Variants in LDLRAD2 observed in about 807,000 individuals in gnomAD.
LDLRAD2 encodes low-density lipoprotein receptor class A domain-containing protein 2.
Under a neutral mutation model 24.9 loss-of-function variants are expected in LDLRAD2, and 25 were observed. The ratio of observed to expected loss-of-function variants is 1.00; its 90% CI spans 0.73 to 1.40. The LOEUF (loss-of-function observed/expected upper bound fraction) is 1.40, where lower values mean the gene tolerates loss of function less well. Ranked by LOEUF, LDLRAD2 falls within the 40% of genes most tolerant of loss-of-function variation. The pLI is 0.00. For synonymous variants in LDLRAD2, 182 were observed against 166.7 expected (o/e 1.09, Z -0.71); for missense variants, 391 against 366.2 (o/e 1.07, Z -0.55).
Position 21,824,868 on chromosome 1 carries a change from C to T in LDLRAD2, c.*2653C>T, listed in dbSNP as rs2097965366. 1 of 1,212,496 alleles carries T rather than the reference C, an allele frequency of 8.2e-7. No individual in the cohort carries two copies. Among genetic ancestry groups the T allele is most frequent in the African/African-American group, 1.5e-5 (1 of 66,582 alleles). 75.1% of individuals were successfully genotyped at this position (1,212,496 alleles called of 1,614,324 possible). A position where few individuals can be genotyped will look rare whatever the true frequency, so the allele number is the denominator to read the frequency against. ...CCCCTGACCCCCACCTCCACGCCAA[C>T]ATGCAGGACTAGGGGGCTCCGAGCC... On this transcript the variant is annotated 3_prime_UTR_variant, in exon 5 of 5. Transcript: ENST00000344642. This position sits in a 1 kb window ranked among gnomAD's most constrained non-coding sequence, Gnocchi z 5.9.
chr1:21,820,017 T>C (rs2097948558), intron 3 of LDLRAD2, among the ~76,000 whole-genome samples: 2 of 152,212 alleles, frequency 1.3e-5, no homozygotes, highest in South Asian at 4.2e-4. Context: ...CTCACTATCT[T>C]GAGAACAGCA....
At position 21,817,605 on chromosome 1, in the gene LDLRAD2, C is replaced by T. The variant is rs543078884; in HGVS notation, c.643+1531C>T. The stretch of plus-strand genomic sequence containing the variant: ...CTTCCCACCTTGGCCTCCCAAAGTG[C>T]TGGGATTGCATGAACTTCATTTTTT... On this transcript the variant is annotated intron_variant, in intron 3 of 4. Coordinates refer to ENST00000344642, the MANE Select transcript of LDLRAD2 (RefSeq NM_001013693.3). Among the ~76,000 whole-genome samples the T allele has an allele frequency of 2.0e-5, 3 of 152,220 alleles. No homozygotes were observed. The South Asian group carries it at 6.2e-4, about 32-fold the overall frequency.
At chr1:21,822,155 T>G (rs1208646480) in intron 4 of LDLRAD2, 47 bp from the exon 5 acceptor site, 8 of 1,613,964 alleles carry the variant, frequency 5.0e-6, no homozygotes, top group Non-Finnish European at 6.8e-6. Flanking sequence ...CCAAGCCAGC[T>G]TGCTTCACCC....
At position 21,823,263 on chromosome 1, in the gene LDLRAD2, G is replaced by T; in HGVS notation, c.*1048G>T. ...TAATAATATTAATAATAATATACTC[G>T]ACATTGTCGGGCTGGGGCGTGGCCC... On this transcript the variant is annotated 3_prime_UTR_variant, in exon 5 of 5. Transcript: ENST00000344642. 2.2e-6 allele frequency: 3 copies of T among 1,388,930 alleles called. No individual in the cohort carries two copies. The highest frequency in any genetic ancestry group is 2.9e-6 in the Non-Finnish European group (3 of 1,048,502). The allele number at this position is 1,388,930 out of a possible 1,614,324, so 86.0% of individuals were successfully genotyped here.
intron 3 of LDLRAD2, among the ~76,000 whole-genome samples, chr1:21,817,198 T>C (rs2097944827): frequency 6.6e-6 from 1 of 152,198 alleles, no homozygotes; most frequent in Non-Finnish European, 1.5e-5. Context: ...TGCCATCACC[T>C]GGTCTGAGCC....
chr1:21,824,071 C>T lies in LDLRAD2; in HGVS notation c.*1856C>T. ...TGCCCATGGTAGGGGGCGTCCTGCC[C>T]CACTCCAGAACGCTGGGCCCCATCC... On this transcript the variant is annotated 3_prime_UTR_variant, in exon 5 of 5. Transcript: ENST00000344642. This position sits in a 1 kb window ranked among gnomAD's most constrained non-coding sequence, Gnocchi z 5.9. The T allele has an allele frequency of 6.6e-7, 1 of 1,522,850 alleles. No individual in the cohort carries two copies. Among genetic ancestry groups the T allele is most frequent in the Non-Finnish European group, 9.0e-7 (1 of 1,106,632 alleles). The allele number at this position is 1,522,850 out of a possible 1,614,324, so 94.3% of individuals were successfully genotyped here.
chr1:21,815,235 C>G (rs1034077984), intron 2 of LDLRAD2, among the ~76,000 whole-genome samples: 14 of 152,190 alleles, frequency 9.2e-5, no homozygotes, highest in Non-Finnish European at 7.3e-5. Context: ...CCCCCACACA[C>G]TCCACACTCA....
chr1:21,814,698 C>T lies in LDLRAD2; in HGVS notation c.386C>T (p.Pro129Leu), dbSNP rs918531534. ...GGGGCGCCCCGGCCCCTGGGGTCCCCACTGTGCGGCCTGAACATCCCGGTG... is the reference window on the plus strand; with the variant it reads ...GGGGCGCCCCGGCCCCTGGGGTCCCTACTGTGCGGCCTGAACATCCCGGTG... ...PPGAPRPLGS[P>L]LCGLNIPVPV... Residue 129 changes from proline to leucine, a missense_variant, in exon 2 of 5, where the codon CCA becomes CTA. Physicochemically the swap from Pro to Leu is moderately conservative, Grantham distance 98. Transcript: ENST00000344642. 6.4e-6 allele frequency: 10 copies of T among 1,569,174 alleles called. No individual in the cohort carries two copies. Among genetic ancestry groups the T allele is most frequent in the East Asian group, 2.4e-5 (1 of 41,894 alleles).
chr1:21,818,865 G>GCCCCGCC (rs1572112035), intron 3 of LDLRAD2, among the ~76,000 whole-genome samples: 1 of 133,472 alleles, frequency 7.5e-6, no homozygotes, highest in African/African-American at 2.8e-5. Context: ...TTCCTTCCTG[G>GCCCCGCC]CCCCGCCCCC....
intron 1 of LDLRAD2, among the ~76,000 whole-genome samples, chr1:21,813,438 G>A (rs1268872655): frequency 2.0e-5 from 3 of 152,164 alleles, no homozygotes; most frequent in African/African-American, 7.2e-5. Flanking sequence ...CTCTGATGAA[G>A]GATTTTTTCC....
Position 21,814,430 on chromosome 1 carries a change from C to G in LDLRAD2, c.118C>G (p.Gln40Glu). The change falls in exon 2 of 5, where the codon CAG becomes GAG. Residue 40 changes from glutamine to glutamate, a missense_variant. By Grantham distance (29) the Gln-to-Glu change is conservative (BLOSUM62 2). Coordinates refer to ENST00000344642, the MANE Select transcript of LDLRAD2 (RefSeq NM_001013693.3). The part of the protein sequence containing the change: ...DLAELCGQTW[Q>E]GDGLLLRSHA... The stretch of plus-strand genomic sequence containing the variant: ...GGCGGAACTGTGCGGGCAGACGTGG[C>G]AGGGGGACGGGCTGCTGCTGCGCTC... 2 of 1,608,560 alleles carry G rather than the reference C, an allele frequency of 1.2e-6. No individual in the cohort carries two copies. Among genetic ancestry groups the G allele is most frequent in the Middle Eastern group, 3.3e-4 (2 of 6,050 alleles).
chr1:21,824,531 A>G lies in LDLRAD2; in HGVS notation c.*2316A>G, dbSNP rs1177289618. Reference sequence around the variant, plus strand: ...CCCAAGAGCCCAGCCGGATACCCACACTCACCACACCCTGCCAGAGCAGGA... The same window carrying G: ...CCCAAGAGCCCAGCCGGATACCCACGCTCACCACACCCTGCCAGAGCAGGA... On this transcript the variant is annotated 3_prime_UTR_variant, in exon 5 of 5. Transcript: ENST00000344642. This position sits in a 1 kb window ranked among gnomAD's most constrained non-coding sequence, Gnocchi z 5.9. The G allele has an allele frequency of 1.2e-6, 2 of 1,612,446 alleles. No homozygotes were observed. Among genetic ancestry groups the G allele is most frequent in the Non-Finnish European group, 8.5e-7 (1 of 1,179,826 alleles).
rs751991509 is a variant in LDLRAD2 at position 21,823,443 on chromosome 1, G to A, written c.*1228G>A. ...GTTCTTGACACAGCCTGTGATGCCT[G>A]AGGAGAATCTGCCCCCGGTCAGCGT... On this transcript the variant is annotated 3_prime_UTR_variant, in exon 5 of 5. Transcript: ENST00000344642. 8 of 1,592,706 alleles carry A rather than the reference G, an allele frequency of 5.0e-6. No individual in the cohort carries two copies. Among genetic ancestry groups the A allele is most frequent in the South Asian group, 4.5e-5 (4 of 89,510 alleles).
rs897467 is a variant in LDLRAD2 at position 21,823,442 on chromosome 1, T to G, written c.*1227T>G. 8 of 1,590,216 alleles carry G rather than the reference T, an allele frequency of 5.0e-6. No homozygotes were observed. Among genetic ancestry groups the G allele is most frequent in the Non-Finnish European group, 6.8e-6 (8 of 1,173,016 alleles). ...GGTTCTTGACACAGCCTGTGATGCC[T>G]GAGGAGAATCTGCCCCCGGTCAGCG... On this transcript the variant is annotated 3_prime_UTR_variant, in exon 5 of 5. Coordinates refer to ENST00000344642, the MANE Select transcript of LDLRAD2 (RefSeq NM_001013693.3).
Position 21,823,872 on chromosome 1 carries a change from G to C in LDLRAD2, c.*1657G>C. 1 of 754,704 alleles carries C rather than the reference G, an allele frequency of 1.3e-6. No individual in the cohort carries two copies. Among genetic ancestry groups the C allele is most frequent in the Non-Finnish European group, 2.3e-6 (1 of 439,920 alleles). The allele number at this position is 754,704 out of a possible 1,614,324, so 46.8% of individuals were successfully genotyped here. A position where few individuals can be genotyped will look rare whatever the true frequency, so the allele number is the denominator to read the frequency against. On this transcript the variant is annotated 3_prime_UTR_variant, in exon 5 of 5. Coordinates refer to ENST00000344642, the MANE Select transcript of LDLRAD2 (RefSeq NM_001013693.3). Reference sequence around the variant, plus strand: ...TCTTTCCCCCGCTGAACGAGAGATCGGGCCCCACAAACACAGCTTCCTCAT... The same window carrying C: ...TCTTTCCCCCGCTGAACGAGAGATCCGGCCCCACAAACACAGCTTCCTCAT...
In LDLRAD2 at chr1:21,814,676, G is replaced by C; in HGVS notation, c.364G>C (p.Ala122Pro). ...YLQFYEGPPGAPRPLGSPLCG... is the reference protein window; with the variant it reads ...YLQFYEGPPGPPRPLGSPLCG... Reference sequence around the variant, plus strand: ...GCAGTTCTACGAGGGCCCGCCGGGGGCGCCCCGGCCCCTGGGGTCCCCACT... The same window carrying C: ...GCAGTTCTACGAGGGCCCGCCGGGGCCGCCCCGGCCCCTGGGGTCCCCACT... The change falls in exon 2 of 5, where the codon GCG becomes CCG. Residue 122 changes from alanine (A) to proline (P), a missense_variant. Ala to Pro is a conservative substitution (Grantham distance 27). Coordinates refer to ENST00000344642, the MANE Select transcript of LDLRAD2 (RefSeq NM_001013693.3). The C allele has an allele frequency of 6.4e-7, 1 of 1,564,582 alleles. No homozygotes were observed. Among genetic ancestry groups the C allele is most frequent in the Non-Finnish European group, 8.6e-7 (1 of 1,156,390 alleles).
At chr1:21,818,277 G>A (rs924154163) in intron 3 of LDLRAD2, among the ~76,000 whole-genome samples, 10 of 152,136 alleles carry the variant, frequency 6.6e-5, no homozygotes, top group Admixed American at 3.3e-4. Flanking sequence ...CTCCCAAAGT[G>A]CTGGGATTAC....
At position 21,824,263 on chromosome 1, in the gene LDLRAD2, G is replaced by A; in HGVS notation, c.*2048G>A. ...GGGCAGGACCGGGGGGTGGGGTGCT[G>A]GGACCAGGGAAGGGAGAGGAAGGGC... On this transcript the variant is annotated 3_prime_UTR_variant, in exon 5 of 5. Transcript: ENST00000344642. This position sits in a 1 kb window ranked among gnomAD's most constrained non-coding sequence, Gnocchi z 5.9. The A allele has an allele frequency of 6.2e-7, 1 of 1,613,134 alleles. No homozygotes were observed. The highest frequency in any genetic ancestry group is 8.5e-7 in the Non-Finnish European group (1 of 1,179,310).
chr1:21,822,565 C>T lies in LDLRAD2; in HGVS notation c.*350C>T, dbSNP rs3767135. ...GGGTGGGGATGTGGCCTGGGGTGGG[C>T]GGGGCCCGGTGGGCGGGGCCCTATC... On this transcript the variant is annotated 3_prime_UTR_variant, in exon 5 of 5. Coordinates refer to ENST00000344642, the MANE Select transcript of LDLRAD2 (RefSeq NM_001013693.3). 7 of 226,690 alleles carry T rather than the reference C, an allele frequency of 3.1e-5. No individual in the cohort carries two copies. In the East Asian group the frequency reaches 4.6e-4, roughly 15 times the overall value. The allele number at this position is 226,690 out of a possible 1,614,324, so 14.0% of individuals were successfully genotyped here. A position where few individuals can be genotyped will look rare whatever the true frequency, so the allele number is the denominator to read the frequency against.
Sources: gnomAD v4.1 joint callset for allele counts (sites outside exome capture counted in the v4.1 genomes callset) on GRCh38, gnomAD v4.1.1 for gene constraint, Gnocchi (gnomAD v3.1) non-coding constraint, MANE v1.5 for transcripts, NCBI Gene and HGNC (gene_info 2026-07-23, HGNC 2026-07-21) for gene names.